CTNNA2: variants seen among roughly 807,000 people sequenced by gnomAD.
The protein encoded by CTNNA2 is catenin alpha 2.
A neutral mutation model predicts 101.0 loss-of-function variants in CTNNA2; 42 were observed. The observed-to-expected ratio is 0.42, with a 90% CI of 0.32 to 0.54. The LOEUF (loss-of-function observed/expected upper bound fraction) is 0.54. CTNNA2 is among the 20% of genes least tolerant of loss of function. The pLI is 0.14. For synonymous variants in CTNNA2, 450 were observed against 456.4 expected (o/e 0.99, Z 0.18); for missense variants, 871 against 1,223.1 (o/e 0.71, Z 4.29).
At chr2:79,985,552 G>C (rs1489172571) in intron 7 of CTNNA2, among the ~76,000 whole-genome samples, 6 of 152,314 alleles carry the variant, frequency 3.9e-5, no homozygotes, top group Non-Finnish European at 7.4e-5. Context: ...CAATAAGTAA[G>C]GTGGCCATCC....
chr2:79,685,959 G>A (rs1403729931), intron 2 of CTNNA2, among the ~76,000 whole-genome samples: 1 of 151,998 alleles, frequency 6.6e-6, no homozygotes, highest in African/African-American at 2.4e-5. Flanking sequence ...ACATGTGAGG[G>A]GCACCTAACC....
intron 3 of CTNNA2, among the ~76,000 whole-genome samples, chr2:79,320,342 C>G (rs1676591156): frequency 6.9e-6 from 1 of 144,118 alleles, no homozygotes; most frequent in African/African-American, 2.6e-5. Context: ...GACAGGGGTT[C>G]CTGCTGTGAT....
intron 3 of CTNNA2, among the ~76,000 whole-genome samples, chr2:79,343,844 C>A (rs1466032513): frequency 1.3e-5 from 2 of 151,990 alleles, no homozygotes; most frequent in Non-Finnish European, 2.9e-5. Context: ...ACAAACTAAC[C>A]TGCTAATAAG....
At position 80,096,309 on chromosome 2, in the gene CTNNA2, C is replaced by T. The variant is rs148656932; in HGVS notation, c.1056+186512C>T. Among the ~76,000 whole-genome samples, 908 of 152,206 alleles carry T rather than the reference C, an allele frequency of 6.0e-3. 4 individuals carry two copies. The highest frequency in any genetic ancestry group is 0.021 in the African/African-American group (858 of 41,524). ...GTTGTTCAGTTTCCATGTAGTTGAGCGGTTTTGACTGAGTTTCTTAATCCT... is the reference window on the plus strand; with the variant it reads ...GTTGTTCAGTTTCCATGTAGTTGAGTGGTTTTGACTGAGTTTCTTAATCCT... On this transcript the variant is annotated intron_variant, in intron 7 of 18. Coordinates refer to ENST00000402739, the MANE Select transcript of CTNNA2 (RefSeq NM_001282597.3).
chr2:79,759,563 C>T (rs923076990), intron 3 of CTNNA2, among the ~76,000 whole-genome samples: 13 of 152,112 alleles, frequency 8.5e-5, no homozygotes, highest in African/African-American at 3.1e-4. Flanking sequence ...TACTTAACCT[C>T]TCAGTTGCAT....
intron 3 of CTNNA2, among the ~76,000 whole-genome samples, chr2:79,755,562 A>G (rs1672341722): frequency 6.6e-6 from 1 of 152,082 alleles, no homozygotes; most frequent in Non-Finnish European, 1.5e-5. Flanking sequence ...TTCACAGACC[A>G]TCTGGTTCAG....
chr2:79,653,871 T>C (rs1439121035), intron 2 of CTNNA2, among the ~76,000 whole-genome samples: 1 of 152,196 alleles, frequency 6.6e-6, no homozygotes, highest in African/African-American at 2.4e-5. Context: ...TTCCACGTAA[T>C]TGTAGGAATC....
chr2:79,861,714 G>A (rs1175786404), intron 4 of CTNNA2, among the ~76,000 whole-genome samples: 1 of 152,162 alleles, frequency 6.6e-6, no homozygotes. Flanking sequence ...GACTGCAAAA[G>A]GTTTTTGCTG....
intron 7 of CTNNA2, among the ~76,000 whole-genome samples, chr2:79,968,682 C>A (rs1690256606): frequency 6.6e-6 from 1 of 152,026 alleles, no homozygotes; most frequent in African/African-American, 2.4e-5. Context: ...ATAAACAATC[C>A]CCCCACACAA....
chr2:79,861,367 C>T (rs2060393), intron 4 of CTNNA2, among the ~76,000 whole-genome samples: 76,921 of 151,944 alleles, frequency 0.51, 20,101 homozygotes, highest in East Asian at 0.73. Flanking sequence ...TACCTTTTTC[C>T]GCAGCAACTT....
Position 80,235,358 on chromosome 2 carries a change from T to C in CTNNA2, c.1057-157853T>C, listed in dbSNP as rs143688954. 5.9e-3 allele frequency among the ~76,000 whole-genome samples: 893 copies of C among 152,310 alleles called. 5 individuals carry two copies. The highest frequency in any genetic ancestry group is 8.3e-3 in the Non-Finnish European group (567 of 68,024). On this transcript the variant is annotated intron_variant, in intron 7 of 18. Coordinates refer to ENST00000402739, the MANE Select transcript of CTNNA2 (RefSeq NM_001282597.3). ...CTGTACTAAACACTCTAGGAGATTT[T>C]TCCAAGTATTCGGGCTGTTTCTGCT...
intron 4 of CTNNA2, among the ~76,000 whole-genome samples, chr2:79,437,192 C>T (rs1678725567): frequency 6.7e-6 from 1 of 149,214 alleles, no homozygotes; most frequent in Non-Finnish European, 1.5e-5. Context: ...CATGACTGTG[C>T]CATTGCACTC....
chr2:79,863,244 T>C (rs1681767180), intron 4 of CTNNA2, among the ~76,000 whole-genome samples: 1 of 152,196 alleles, frequency 6.6e-6, no homozygotes, highest in African/African-American at 2.4e-5. Flanking sequence ...CAGAATATGC[T>C]AATTTCTTAG....
At chr2:80,280,679 T>C (rs1406829242) in intron 7 of CTNNA2, among the ~76,000 whole-genome samples, 1 of 152,128 alleles carries the variant, frequency 6.6e-6, no homozygotes, top group Non-Finnish European at 1.5e-5. Flanking sequence ...AAATGTTCCA[T>C]GGACAATTCC....
chr2:80,270,276 AT>A (rs1673359520), intron 7 of CTNNA2, among the ~76,000 whole-genome samples: 2 of 151,774 alleles, frequency 1.3e-5, no homozygotes, highest in Admixed American at 6.6e-5. Flanking sequence ...TAAATCCTCT[AT>A]TTTTTTAGGG....
chr2:79,247,524 T>C (rs571826109), intron 2 of CTNNA2, among the ~76,000 whole-genome samples: 1 of 150,180 alleles, frequency 6.7e-6, no homozygotes, highest in South Asian at 2.1e-4. Flanking sequence ...GTCCTGATTA[T>C]TTTTTTGTCT....
chr2:79,242,426 T>TA (rs2104257474), intron 2 of CTNNA2, among the ~76,000 whole-genome samples: 1 of 152,280 alleles, frequency 6.6e-6, no homozygotes, highest in South Asian at 2.1e-4. Flanking sequence ...ATTTTATGTC[T>TA]AAAGTGGGGG....
chr2:80,183,370 C>A (rs1416670924), intron 7 of CTNNA2, among the ~76,000 whole-genome samples: 1 of 152,170 alleles, frequency 6.6e-6, no homozygotes, highest in East Asian at 1.9e-4. Flanking sequence ...TACTACAGCA[C>A]AGCTAGCACC....
chr2:80,291,301 G>A (rs576310626), intron 7 of CTNNA2, among the ~76,000 whole-genome samples: 4 of 152,252 alleles, frequency 2.6e-5, no homozygotes, highest in African/African-American at 9.6e-5. Flanking sequence ...TTCATACCCT[G>A]CCTAACAAAT....
Sources: gnomAD v4.1 joint callset for allele counts (sites outside exome capture counted in the v4.1 genomes callset) on GRCh38, gnomAD v4.1.1 for gene constraint, MANE v1.5 for transcripts, NCBI Gene and HGNC (gene_info 2026-07-23, HGNC 2026-07-21) for gene names.